Variants in SLC31A1 observed in about 807,000 individuals in gnomAD.
SLC31A1 encodes the protein solute carrier family 31 member 1.
SLC31A1 carries 5 observed loss-of-function variants against 17.2 expected under a neutral mutation model. The observed-to-expected ratio is 0.29, with a 90% CI of 0.15 to 0.61. The LOEUF (loss-of-function observed/expected upper bound fraction) is 0.61. Among genes scored for constraint, SLC31A1 ranks in the 20% least tolerant of loss-of-function variants. The pLI is 0.86. For synonymous variants in SLC31A1, 76 were observed against 78.8 expected, an observed-to-expected ratio of 0.96 and a Z score of 0.19; for missense variants, 161 against 241.4, an observed-to-expected ratio of 0.67 and a Z score of 2.21.
chr9:113,246,281 G>A (rs1037019593), intron 1 of SLC31A1, among the ~76,000 whole-genome samples: 1 of 152,108 alleles, frequency 6.6e-6, no homozygotes, highest in Non-Finnish European at 1.5e-5. Flanking sequence ...CTGGGTTCAA[G>A]CGATCTGCCT....
chr9:113,241,398 A>G (rs914591292), intron 1 of SLC31A1, among the ~76,000 whole-genome samples: 2 of 152,294 alleles, frequency 1.3e-5, no homozygotes, highest in African/African-American at 4.8e-5. Flanking sequence ...TCAGATTCCA[A>G]TGGGGCATCT....
rs1305323260 is a variant in SLC31A1 at position 113,258,349 on chromosome 9, T to G, written c.203-345T>G. Among the ~76,000 whole-genome samples the G allele has an allele frequency of 1.3e-5, 2 of 152,238 alleles. No individual in the cohort carries two copies. Among genetic ancestry groups the G allele is most frequent in the Admixed American group, 6.5e-5 (1 of 15,282 alleles). ...CTATTCAGGAAATGTAGTCAGCCAC[T>G]GATGAAACTAAATTGTTTTATTCCC... On this transcript the variant is annotated intron_variant, in intron 3 of 4. Coordinates refer to ENST00000374212, the MANE Select transcript of SLC31A1 (RefSeq NM_001859.4). This position sits in a 1 kb window ranked among gnomAD's most constrained non-coding sequence, Gnocchi z 4.8.
chr9:113,232,093 G>T (rs1373687070), intron 1 of SLC31A1, among the ~76,000 whole-genome samples: 1 of 152,156 alleles, frequency 6.6e-6, no homozygotes, highest in Non-Finnish European at 1.5e-5. Context: ...TGGGCAACTT[G>T]TAAAAGCTTA....
intron 1 of SLC31A1, among the ~76,000 whole-genome samples, chr9:113,252,460 T>C (rs1263113237): frequency 6.6e-6 from 1 of 152,038 alleles, no homozygotes; most frequent in Non-Finnish European, 1.5e-5. Context: ...TAGGTCCGGG[T>C]ACTTTTTGTA....
intron 1 of SLC31A1, among the ~76,000 whole-genome samples, chr9:113,226,987 T>A (rs1286027653): frequency 1.3e-5 from 2 of 152,218 alleles, no homozygotes; most frequent in Admixed American, 6.5e-5. Context: ...CTTAGTACAT[T>A]TTACATTATT....
At chr9:113,233,050 G>A (rs990307195) in intron 1 of SLC31A1, among the ~76,000 whole-genome samples, 1 of 152,178 alleles carries the variant, frequency 6.6e-6, no homozygotes, top group Non-Finnish European at 1.5e-5. Context: ...AGAGGTAGTT[G>A]CTATAAACAT....
chr9:113,252,237 TTA>T (rs1285412708), intron 1 of SLC31A1, among the ~76,000 whole-genome samples: 1 of 152,200 alleles, frequency 6.6e-6, no homozygotes. Context: ...ATAATTAATG[TTA>T]TAAAGGTTCA....
chr9:113,228,848 CT>C lies in SLC31A1; in HGVS notation c.-36+7180del, dbSNP rs909880844. ...AATAAAGGAGTTGGATTTGATGATA[CT>C]TTTTTTTTTCTTTTGAGTTGGAGTT... is the stretch of plus-strand genomic sequence containing the variant. On this transcript the variant is annotated intron_variant, in intron 1 of 4. Transcript: ENST00000374212. 5.5e-3 allele frequency among the ~76,000 whole-genome samples: 819 copies of C among 150,200 alleles called. 13 individuals are homozygous for C. Among genetic ancestry groups the C allele is most frequent in the African/African-American group, 0.019 (784 of 40,960 alleles).
chr9:113,263,330 G>T lies in SLC31A1; in HGVS notation c.*2857G>T, dbSNP rs1212340859. On this transcript the variant is annotated 3_prime_UTR_variant, in exon 5 of 5. Coordinates refer to ENST00000374212, the MANE Select transcript of SLC31A1 (RefSeq NM_001859.4). Reference sequence around the variant, plus strand: ...GCTGCCAAAGGATGAAGCTAGTGAAGGAGAAAAAGCTTAAATTCCATCTTG... The same window carrying T: ...GCTGCCAAAGGATGAAGCTAGTGAATGAGAAAAAGCTTAAATTCCATCTTG... 1 of 152,190 alleles carries T rather than the reference G, an allele frequency of 6.6e-6. No homozygotes were observed. The highest frequency in any genetic ancestry group is 1.5e-5 in the Non-Finnish European group (1 of 68,022). 9.4% of individuals were successfully genotyped at this position (152,190 alleles called of 1,614,324 possible). A position where few individuals can be genotyped will look rare whatever the true frequency, so the allele number is the denominator to read the frequency against.
chr9:113,259,571 CT>C (rs1291886873), intron 4 of SLC31A1, among the ~76,000 whole-genome samples: 2 of 145,064 alleles, frequency 1.4e-5, no homozygotes, highest in Non-Finnish European at 3.0e-5. Context: ...ATTTTTTTTT[CT>C]TTTTTTCTTT....
Position 113,231,895 on chromosome 9 carries a change from G to A in SLC31A1, c.-36+10217G>A, listed in dbSNP as rs1336172365. Among the ~76,000 whole-genome samples the A allele has an allele frequency of 2.0e-5, 3 of 152,264 alleles. No homozygotes were observed. In the East Asian group the frequency reaches 5.8e-4, roughly 29 times the overall value. ...AGAGTTCTGATAAACTCTGGGATAG[G>A]CGATAGCCAGGCCCACATGTGGACT... On this transcript the variant is annotated intron_variant, in intron 1 of 4. Coordinates refer to ENST00000374212, the MANE Select transcript of SLC31A1 (RefSeq NM_001859.4).
chr9:113,237,358 A>G (rs1162366894), intron 1 of SLC31A1, among the ~76,000 whole-genome samples: 1 of 152,212 alleles, frequency 6.6e-6, no homozygotes, highest in African/African-American at 2.4e-5. Context: ...GCACTAGGAT[A>G]GCTTGACATT....
intron 1 of SLC31A1, among the ~76,000 whole-genome samples, chr9:113,251,029 A>G (rs1279694802): frequency 6.6e-6 from 1 of 152,210 alleles, no homozygotes; most frequent in Non-Finnish European, 1.5e-5. Flanking sequence ...CACCAGAATC[A>G]TGAGGCAAAT....
At position 113,261,951 on chromosome 9, in the gene SLC31A1, GTGTA is replaced by G. The variant is rs1308407330; in HGVS notation, c.*1482_*1485del. On this transcript the variant is annotated 3_prime_UTR_variant, in exon 5 of 5. Coordinates refer to ENST00000374212, the MANE Select transcript of SLC31A1 (RefSeq NM_001859.4). The stretch of plus-strand genomic sequence containing the variant: ...TCCACATTTATTGAGCTCCACCTGT[GTGTA>G]TGTGTACCCAAGCACACATGTGTGA... 1 of 152,636 alleles carries G rather than the reference GTGTA, an allele frequency of 6.6e-6. No homozygotes were observed. The highest frequency in any genetic ancestry group is 1.5e-5 in the Non-Finnish European group (1 of 68,056). The allele number at this position is 152,636 out of a possible 1,614,324, so 9.5% of individuals were successfully genotyped here. A position where few individuals can be genotyped will look rare whatever the true frequency, so the allele number is the denominator to read the frequency against.
chr9:113,250,588 TTAGTGGGTGCAG>T, intron 1 of SLC31A1, among the ~76,000 whole-genome samples: 1 of 150,174 alleles, frequency 6.7e-6, no homozygotes, highest in Non-Finnish European at 1.5e-5. Context: ...AGATGACAAG[TTAGTGGGTGCAG>T]TGCACCAGCA....
rs1831753774 is a variant in SLC31A1 at position 113,258,607 on chromosome 9, T to C, written c.203-87T>C. The C allele has an allele frequency of 2.1e-6, 3 of 1,437,576 alleles. No homozygotes were observed. In the African/African-American group the frequency reaches 4.2e-5, roughly 20 times the overall value. 89.1% of individuals were successfully genotyped at this position (1,437,576 alleles called of 1,614,324 possible). A position where few individuals can be genotyped will look rare whatever the true frequency, so the allele number is the denominator to read the frequency against. ...TTCAAAAGCTGAGAGTAGCATTTTT[T>C]CTATGTGTCTTTCTAGCTGGACAGC... On this transcript the variant is annotated intron_variant, in intron 3 of 4. Coordinates refer to ENST00000374212, the MANE Select transcript of SLC31A1 (RefSeq NM_001859.4). The surrounding 1 kb of genome is among the most constrained non-coding windows in gnomAD (Gnocchi z 4.8).
intron 4 of SLC31A1, among the ~76,000 whole-genome samples, chr9:113,260,015 C>T (rs1264329470): frequency 6.6e-6 from 1 of 152,156 alleles, no homozygotes; most frequent in Non-Finnish European, 1.5e-5. Context: ...GGGATTACTC[C>T]TCGTCCTTTT....
chr9:113,241,312 G>C (rs372349145), intron 1 of SLC31A1, among the ~76,000 whole-genome samples: 132 of 152,284 alleles, frequency 8.7e-4, no homozygotes, highest in African/African-American at 3.1e-3. Context: ...ATACATGCAA[G>C]TAGTATCTGC....
At chr9:113,223,594 A>G (rs976473841) in intron 1 of SLC31A1, among the ~76,000 whole-genome samples, 1 of 152,354 alleles carries the variant, frequency 6.6e-6, no homozygotes, top group South Asian at 2.1e-4. Context: ...TTGCTTAAGT[A>G]TACAACTTTT....
Sources: allele counts gnomAD v4.1 joint callset (sites outside exome capture counted in the v4.1 genomes callset), GRCh38; gene constraint gnomAD v4.1.1; non-coding constraint Gnocchi (gnomAD v3.1); transcripts MANE v1.5; gene names NCBI Gene and HGNC (gene_info 2026-07-23, HGNC 2026-07-21).